Variants in PTH2R observed in about 807,000 individuals in gnomAD.
PTH2R encodes PTH2 receptor.
In PTH2R, 59 loss-of-function variants were observed where a neutral mutation model predicts 60.3. That is an observed-to-expected ratio of 0.98 (90% CI 0.79 to 1.22). The LOEUF (loss-of-function observed/expected upper bound fraction) is 1.22. PTH2R is among the 50% of genes most tolerant of loss of function. The probability of loss-of-function intolerance (pLI) is 0.00; values close to 1 mark genes in which losing one functional copy is unlikely to be tolerated. For missense variants in PTH2R, 749 were observed against 682.6 expected (o/e 1.10, Z -1.08); for synonymous variants, 256 against 243.8 (o/e 1.05, Z -0.47).
chr2:208,385,850 G>A (rs1015552967), intron 1 of PTH2R, among the ~76,000 whole-genome samples: 2 of 152,100 alleles, frequency 1.3e-5, no homozygotes, highest in Non-Finnish European at 2.9e-5. Flanking sequence ...AATTGTACTG[G>A]GTCAATTGAG....
chr2:208,480,628 C>A (rs968764514), intron 9 of PTH2R, among the ~76,000 whole-genome samples: 1 of 152,198 alleles, frequency 6.6e-6, no homozygotes, highest in Non-Finnish European at 1.5e-5. Context: ...CTTCATATCA[C>A]CTTCACCCAA....
chr2:208,437,683 A>C (rs1381043803), intron 3 of PTH2R, 36 bp downstream of exon 3: 1 of 1,602,666 alleles, frequency 6.2e-7, no homozygotes, highest in Non-Finnish European at 8.5e-7. Flanking sequence ...ATTTAAAACA[A>C]ACATTTACTT....
At chr2:208,397,415 C>T (rs1214737150) in intron 1 of PTH2R, among the ~76,000 whole-genome samples, 1 of 152,112 alleles carries the variant, frequency 6.6e-6, no homozygotes, top group African/African-American at 2.4e-5. Context: ...GGCCAATGCA[C>T]CAAAATCATA....
chr2:208,458,327 TA>T lies in PTH2R; in HGVS notation c.915-1562del, dbSNP rs201118933. Among the ~76,000 whole-genome samples the T allele has an allele frequency of 8.4e-4, 128 of 152,182 alleles. No homozygotes were observed. The East Asian group carries it at 0.018, about 21-fold the overall frequency. The stretch of plus-strand genomic sequence containing the variant: ...TAGGGTGGAAGGGAAGCACCAAATA[TA>T]AAAAATAGGCAAATTATATAATTTT... On this transcript the variant is annotated intron_variant, in intron 8 of 12. Coordinates refer to ENST00000272847, the MANE Select transcript of PTH2R (RefSeq NM_005048.4).
At chr2:208,446,312 T>A (rs1364397458) in intron 7 of PTH2R, among the ~76,000 whole-genome samples, 2 of 152,202 alleles carry the variant, frequency 1.3e-5, no homozygotes, top group Non-Finnish European at 2.9e-5. Flanking sequence ...AATCTTTCTA[T>A]GAAAAAGAGA....
At chr2:208,445,912 TTCTTA>T in intron 7 of PTH2R, among the ~76,000 whole-genome samples, 2 of 152,174 alleles carry the variant, frequency 1.3e-5, no homozygotes, top group Non-Finnish European at 2.9e-5. Flanking sequence ...TTAAGGCTCT[TTCTTA>T]TCTTTGACTA....
intron 8 of PTH2R, among the ~76,000 whole-genome samples, 200 bp from the exon 9 acceptor site, chr2:208,459,695 G>A (rs1452649710): frequency 6.6e-6 from 1 of 152,124 alleles, no homozygotes; most frequent in Non-Finnish European, 1.5e-5. Context: ...TCTTCAAGGG[G>A]TAGCTAATAA....
At chr2:208,488,037 T>C (rs898129703) in intron 10 of PTH2R, among the ~76,000 whole-genome samples, 6 of 152,026 alleles carry the variant, frequency 3.9e-5, no homozygotes, top group Non-Finnish European at 7.4e-5. Context: ...GGGGCAAAAA[T>C]AGCAGGAGGG....
rs915046231 is a variant in PTH2R at position 208,443,674 on chromosome 2, G to A, written c.699+137G>A. 9.1e-6 allele frequency: 6 copies of A among 658,644 alleles called. No individual in the cohort carries two copies. The Admixed American group carries it at 1.5e-4, about 17-fold the overall frequency. The allele number at this position is 658,644 out of a possible 1,614,324, so 40.8% of individuals were successfully genotyped here. A position where few individuals can be genotyped will look rare whatever the true frequency, so the allele number is the denominator to read the frequency against. On this transcript the variant is annotated intron_variant, in intron 6 of 12. Transcript: ENST00000272847. Reference sequence around the variant, plus strand: ...CTAAAATGGATTATCAATTTGTATAGTGATGTTTTCTCCCTCAATTCTGTC... The same window carrying A: ...CTAAAATGGATTATCAATTTGTATAATGATGTTTTCTCCCTCAATTCTGTC...
At chr2:208,457,826 T>G (rs1054144073) in intron 8 of PTH2R, among the ~76,000 whole-genome samples, 1 of 152,188 alleles carries the variant, frequency 6.6e-6, no homozygotes, top group Non-Finnish European at 1.5e-5. Flanking sequence ...TAGTTCTTAG[T>G]GTGTACTGAA....
intron 1 of PTH2R, among the ~76,000 whole-genome samples, chr2:208,394,433 G>T (rs914816350): frequency 3.3e-5 from 5 of 152,166 alleles, no homozygotes; most frequent in African/African-American, 1.2e-4. Flanking sequence ...AACAGTAGGG[G>T]GTGTCCCCCC....
At chr2:208,392,561 C>A (rs533259603) in intron 1 of PTH2R, among the ~76,000 whole-genome samples, 1 of 152,110 alleles carries the variant, frequency 6.6e-6, no homozygotes, top group South Asian at 2.1e-4. Flanking sequence ...GGCTCCCATG[C>A]GAGCTAGAAT....
chr2:208,472,910 T>A (rs1047328171), intron 9 of PTH2R, among the ~76,000 whole-genome samples: 19 of 152,186 alleles, frequency 1.2e-4, no homozygotes, highest in Non-Finnish European at 2.5e-4. Flanking sequence ...TGCCTGAGGT[T>A]ATACATTTAG....
At chr2:208,377,358 TC>T (rs1456867287) in intron 1 of PTH2R, among the ~76,000 whole-genome samples, 4 of 152,108 alleles carry the variant, frequency 2.6e-5, no homozygotes, top group African/African-American at 9.7e-5. Flanking sequence ...GCCATCGTCA[TC>T]ATGGCCCGTT....
At chr2:208,428,470 A>G (rs1462750257) in intron 2 of PTH2R, among the ~76,000 whole-genome samples, 167 bp downstream of exon 2, 1 of 152,132 alleles carries the variant, frequency 6.6e-6, no homozygotes, top group Non-Finnish European at 1.5e-5. Flanking sequence ...TCTCTACCCT[A>G]CATGCTTTTC....
At chr2:208,487,813 C>T (rs79447455) in intron 10 of PTH2R, among the ~76,000 whole-genome samples, 7,503 of 152,272 alleles carry the variant, frequency 0.049, 374 homozygotes, top group African/African-American at 0.12. Context: ...CCAGATGCCA[C>T]CTTTCCTTGC....
At chr2:208,415,196 CTGAG>C (rs1701615735) in intron 1 of PTH2R, among the ~76,000 whole-genome samples, 1 of 152,064 alleles carries the variant, frequency 6.6e-6, no homozygotes, top group Non-Finnish European at 1.5e-5. Context: ...TAAGGGGAAA[CTGAG>C]TGTTTATGGG....
At chr2:208,426,001 T>C (rs1559216165) in intron 1 of PTH2R, among the ~76,000 whole-genome samples, 1 of 152,170 alleles carries the variant, frequency 6.6e-6, no homozygotes, top group African/African-American at 2.4e-5. Flanking sequence ...CTGAGAGGAA[T>C]TGGGGAAAGC....
In PTH2R at chr2:208,484,203, C is replaced by T. The variant is rs554171780; in HGVS notation, c.1076+3039C>T. ...ACTATGAAAAACAGAAAACACCTTT[C>T]GGAGCTGAGATAATCTCTCCAGGTG... On this transcript the variant is annotated intron_variant, in intron 10 of 12. Coordinates refer to ENST00000272847, the MANE Select transcript of PTH2R (RefSeq NM_005048.4). Among the ~76,000 whole-genome samples, 43 of 152,322 alleles carry T rather than the reference C, an allele frequency of 2.8e-4. 1 individual carries two copies. In the South Asian group the frequency reaches 8.3e-3, roughly 29 times the overall value.
Sources: allele counts gnomAD v4.1 joint callset (sites outside exome capture counted in the v4.1 genomes callset), GRCh38; gene constraint gnomAD v4.1.1; transcripts MANE v1.5; gene names NCBI Gene and HGNC (gene_info 2026-07-23, HGNC 2026-07-21).